The following PLEKHG7 variants were observed in gnomAD, a reference collection of about 807,000 sequenced individuals.
The protein encoded by PLEKHG7 is pleckstrin homology and RhoGEF domain containing G7.
A neutral mutation model predicts 85.2 loss-of-function variants in PLEKHG7; 77 were observed. That is an observed-to-expected ratio of 0.90 (90% CI 0.75 to 1.09). The LOEUF (loss-of-function observed/expected upper bound fraction) is 1.09. PLEKHG7 is among the 50% of genes least tolerant of loss of function. PLEKHG7 has a pLI of 0.00. For synonymous variants in PLEKHG7, 301 were observed against 302.4 expected (o/e 1.00, Z 0.05); for missense variants, 777 against 804.3 (o/e 0.97, Z 0.41).
intron 13 of PLEKHG7, 113 bp from the exon 14 acceptor site, chr12:92,761,639 A>AAAGAAAGG (rs1873018240): frequency 4.0e-6 from 2 of 497,858 alleles, no homozygotes; most frequent in Middle Eastern, 4.5e-4. Context: ...AGAAAGAAAG[A>AAAGAAAGG]AAGAAAGAAA....
Position 92,735,491 on chromosome 12 carries a change from T to A in PLEKHG7, c.700-991T>A, listed in dbSNP as rs79391004. ...AAACATTGATTAACTTTCACAAAACTGTTTAGATCCATGCCAATATCGTGC... is the reference window on the plus strand; with the variant it reads ...AAACATTGATTAACTTTCACAAAACAGTTTAGATCCATGCCAATATCGTGC... On this transcript the variant is annotated intron_variant, in intron 5 of 16. Transcript: ENST00000344636. Among the ~76,000 whole-genome samples, 1,515 of 152,346 alleles carry A rather than the reference T, an allele frequency of 9.9e-3. 23 individuals are homozygous for A. The highest frequency in any genetic ancestry group is 0.047 in the East Asian group (245 of 5,182).
intron 7 of PLEKHG7, among the ~76,000 whole-genome samples, chr12:92,738,177 G>A (rs1592680613): frequency 1.3e-5 from 2 of 152,226 alleles, no homozygotes; most frequent in East Asian, 3.8e-4. Context: ...GTATATTCAT[G>A]ATGTCTTTCA....
In PLEKHG7 at chr12:92,770,468, A is replaced by G. The variant is rs1188895672; in HGVS notation, c.*273A>G. Reference sequence around the variant, plus strand: ...TCAGGTTTGTAAGAGGTGTGAGTGAAGAAAGGTGCTAATTTGTAAAGGGTG... The same window carrying G: ...TCAGGTTTGTAAGAGGTGTGAGTGAGGAAAGGTGCTAATTTGTAAAGGGTG... On this transcript the variant is annotated 3_prime_UTR_variant, in exon 17 of 17. Transcript: ENST00000344636. The G allele has an allele frequency of 3.0e-6, 1 of 336,702 alleles. No individual in the cohort carries two copies. Among genetic ancestry groups the G allele is most frequent in the Non-Finnish European group, 5.4e-6 (1 of 186,886 alleles). The allele number at this position is 336,702 out of a possible 1,614,324, so 20.9% of individuals were successfully genotyped here. A position where few individuals can be genotyped will look rare whatever the true frequency, so the allele number is the denominator to read the frequency against.
intron 14 of PLEKHG7, among the ~76,000 whole-genome samples, chr12:92,763,066 A>T (rs1873084504): frequency 6.6e-6 from 1 of 152,204 alleles, no homozygotes; most frequent in Admixed American, 6.5e-5. Flanking sequence ...CCTTCACGTC[A>T]AATAGTGGTA....
chr12:92,737,244 C>T, intron 6 of PLEKHG7, 134 bp from the exon 7 acceptor site: 1 of 758,586 alleles, frequency 1.3e-6, no homozygotes, highest in South Asian at 5.9e-5. Context: ...AAGAGGGATG[C>T]CCAGGGTCTG....
In PLEKHG7 at chr12:92,771,478, T is replaced by C. The variant is rs1413934657; in HGVS notation, c.*1283T>C. The C allele has an allele frequency of 6.6e-6, 1 of 151,876 alleles. No individual in the cohort carries two copies. Among genetic ancestry groups the C allele is most frequent in the Non-Finnish European group, 1.5e-5 (1 of 67,912 alleles). The allele number at this position is 151,876 out of a possible 1,614,324, so 9.4% of individuals were successfully genotyped here. ...CCTCTTTATAATAATGTCAGAAATT[T>C]AATAGAAGAAAAAAAGGAAAATCTG... On this transcript the variant is annotated 3_prime_UTR_variant, in exon 17 of 17. Transcript: ENST00000344636.
At chr12:92,729,176 AT>A in intron 4 of PLEKHG7, 56 bp downstream of exon 4, 2 of 1,230,164 alleles carry the variant, frequency 1.6e-6, no homozygotes, top group Non-Finnish European at 2.0e-6. Flanking sequence ...AGATATTGCC[AT>A]AACCAGGGGG....
intron 10 of PLEKHG7, among the ~76,000 whole-genome samples, chr12:92,753,834 G>A (rs543559204): frequency 6.6e-6 from 1 of 152,198 alleles, no homozygotes; most frequent in Non-Finnish European, 1.5e-5. Flanking sequence ...AAGCCAATGG[G>A]CAAAACTAAA....
chr12:92,762,569 T>C (rs1873069547), intron 14 of PLEKHG7, among the ~76,000 whole-genome samples: 6 of 152,164 alleles, frequency 3.9e-5, no homozygotes. Context: ...CCAAAAGGCT[T>C]TCTGTCTAAT....
chr12:92,744,126 T>C (rs1206151402), intron 9 of PLEKHG7, among the ~76,000 whole-genome samples: 2 of 152,250 alleles, frequency 1.3e-5, no homozygotes, highest in Non-Finnish European at 2.9e-5. Context: ...TCTCTGACTT[T>C]GTTACTGTCA....
chr12:92,763,177 G>T (rs917759425), intron 14 of PLEKHG7, among the ~76,000 whole-genome samples: 2 of 152,152 alleles, frequency 1.3e-5, no homozygotes, highest in Non-Finnish European at 2.9e-5. Flanking sequence ...GTAAGGAATG[G>T]TATCAGTTTA....
chr12:92,712,470 A>C (rs1871383611), intron 3 of PLEKHG7, among the ~76,000 whole-genome samples: 1 of 152,188 alleles, frequency 6.6e-6, no homozygotes, highest in Non-Finnish European at 1.5e-5. Context: ...AATTGGAGTC[A>C]CCACTTGGTT....
intron 1 of PLEKHG7, among the ~76,000 whole-genome samples, chr12:92,703,617 A>G (rs1269444590): frequency 6.6e-6 from 1 of 152,216 alleles, no homozygotes; most frequent in African/African-American, 2.4e-5. Flanking sequence ...CACACAGCCA[A>G]TTGGCGGTGA....
At chr12:92,750,523 G>T (rs1278709183) in intron 10 of PLEKHG7, among the ~76,000 whole-genome samples, 1 of 152,136 alleles carries the variant, frequency 6.6e-6, no homozygotes, top group Non-Finnish European at 1.5e-5. Context: ...ACCAGTGCAC[G>T]CTGGCAGCCA....
At position 92,736,903 on chromosome 12, in the gene PLEKHG7, T is replaced by C. The variant is rs548982733; in HGVS notation, c.795+326T>C. Among the ~76,000 whole-genome samples, 34 of 152,340 alleles carry C rather than the reference T, an allele frequency of 2.2e-4. 2 individuals carry two copies. Among genetic ancestry groups the C allele is most frequent in the Admixed American group, 2.0e-3 (30 of 15,302 alleles). ...CTCATTTGAAACGTTAAGTTGTTTT[T>C]GATAAGACAATTTCTAAAGGTCTCT... is the stretch of plus-strand genomic sequence containing the variant. On this transcript the variant is annotated intron_variant, in intron 6 of 16. Transcript: ENST00000344636.
Position 92,729,035 on chromosome 12 carries a change from T to C in PLEKHG7, c.573T>C (p.Pro191=), listed in dbSNP as rs765261018. ...HRRSSVVLNL[P]GLEVFPGDLL... ...GGAGTTCTGTGGTGCTGAACTTACC[T>C]GGACTTGAGGTGTTCCCCGGGGACC... is the stretch of plus-strand genomic sequence containing the variant. Residue 191 remains proline, a synonymous_variant, in exon 4 of 17, where the codon CCT becomes CCC. Coordinates refer to ENST00000344636, the MANE Select transcript of PLEKHG7 (RefSeq NM_001377329.1). 251 of 1,231,806 alleles carry C rather than the reference T, an allele frequency of 2.0e-4. No homozygotes were observed. Among genetic ancestry groups the C allele is most frequent in the Non-Finnish European group, 2.4e-4 (240 of 987,828 alleles). 76.3% of individuals were successfully genotyped at this position (1,231,806 alleles called of 1,614,324 possible). A position where few individuals can be genotyped will look rare whatever the true frequency, so the allele number is the denominator to read the frequency against.
At chr12:92,749,279 A>G (rs1158986553) in intron 10 of PLEKHG7, among the ~76,000 whole-genome samples, 1 of 151,694 alleles carries the variant, frequency 6.6e-6, no homozygotes, top group Non-Finnish European at 1.5e-5. Context: ...TTTTTAATTA[A>G]TTAATTTATT....
rs781205996 is a variant in PLEKHG7 at position 92,706,733 on chromosome 12, C to T, written c.102C>T (p.Leu34=). 1 of 1,614,122 alleles carries T rather than the reference C, an allele frequency of 6.2e-7. No individual in the cohort carries two copies. The highest frequency in any genetic ancestry group is 8.5e-7 in the Non-Finnish European group (1 of 1,180,032). Residue 34 remains leucine, a synonymous_variant, in exon 2 of 17, where the codon CTC becomes CTT. Coordinates refer to ENST00000344636, the MANE Select transcript of PLEKHG7 (RefSeq NM_001377329.1). ...GCCTGCCAAAGAACCAGGGGAGTCT[C>T]CTCCAGTTTGACCGGCAAGCCCCAG... The part of the protein sequence containing the change: ...LRSLPKNQGS[L]LQFDRQAPGR...
At chr12:92,736,721 T>G in intron 6 of PLEKHG7, 144 bp downstream of exon 6, 2 of 439,744 alleles carry the variant, frequency 4.5e-6, no homozygotes, top group Admixed American at 4.4e-5. Flanking sequence ...AACCCAGGAC[T>G]GAGCAGGGCC....
Sources: gnomAD v4.1 joint callset for allele counts (sites outside exome capture counted in the v4.1 genomes callset) on GRCh38, gnomAD v4.1.1 for gene constraint, MANE v1.5 for transcripts, NCBI Gene and HGNC (gene_info 2026-07-23, HGNC 2026-07-21) for gene names.